TLN2: variants seen among roughly 807,000 people sequenced by gnomAD.
TLN2 encodes the protein talin 2, also known as talin-2.
A neutral mutation model predicts 294.7 loss-of-function variants in TLN2; 118 were observed. The observed-to-expected ratio is 0.40, with a 90% CI of 0.34 to 0.47. The LOEUF (loss-of-function observed/expected upper bound fraction) is 0.47. TLN2 is among the 20% of genes least tolerant of loss of function. The pLI, the probability that TLN2 is intolerant of heterozygous loss-of-function variation, is 0.84. For synonymous variants in TLN2, 1,431 were observed against 1,304.5 expected (o/e 1.10, Z -2.09); for missense variants, 3,083 against 3,282.2 (o/e 0.94, Z 1.48).
chr15:62,408,920 A>G (rs1372571059), intron 1 of TLN2, among the ~76,000 whole-genome samples: 5 of 151,886 alleles, frequency 3.3e-5, no homozygotes, highest in Admixed American at 1.3e-4. Context: ...TCGGCCTCCC[A>G]AAGTGCTGGG....
chr15:62,653,471 A>C (rs1375703735), intron 7 of TLN2, among the ~76,000 whole-genome samples, 157 bp downstream of exon 7: 1 of 152,166 alleles, frequency 6.6e-6, no homozygotes, highest in Non-Finnish European at 1.5e-5. Flanking sequence ...CACTTCTATA[A>C]TCCCAGTATT....
At chr15:62,763,519 TGAGCCCCATG>T in intron 39 of TLN2, 34 bp from the exon 40 acceptor site, 1 of 1,565,732 alleles carries the variant, frequency 6.4e-7, no homozygotes, top group South Asian at 1.2e-5. Context: ...CTGTGGGACT[TGAGCCCCATG>T]GAGCCTGTGT....
At chr15:62,661,479 G>A (rs1437814620) in intron 9 of TLN2, among the ~76,000 whole-genome samples, 1 of 152,156 alleles carries the variant, frequency 6.6e-6, no homozygotes, top group African/African-American at 2.4e-5. Flanking sequence ...GCCAGTAGGG[G>A]TAGGAGGGAA....
At chr15:62,793,975 G>T (rs1017033933) in intron 46 of TLN2, among the ~76,000 whole-genome samples, 21 of 151,816 alleles carry the variant, frequency 1.4e-4, no homozygotes, top group African/African-American at 4.8e-4. Flanking sequence ...CAGCCTCCTG[G>T]GACTCCACAG....
chr15:62,693,083 A>G (rs2058052172), intron 13 of TLN2, 142 bp downstream of exon 13: 2 of 627,104 alleles, frequency 3.2e-6, no homozygotes, highest in Non-Finnish European at 5.4e-6. Context: ...TAATCCCAAC[A>G]CTTCGGGAGG....
intron 2 of TLN2, among the ~76,000 whole-genome samples, chr15:62,601,806 GA>G (rs1389204950): frequency 6.6e-6 from 1 of 152,166 alleles, no homozygotes; most frequent in East Asian, 1.9e-4. Flanking sequence ...GTCCAAAAGA[GA>G]TCACTGAGAC....
intron 1 of TLN2, among the ~76,000 whole-genome samples, chr15:62,539,046 A>T (rs1454701947): frequency 6.6e-6 from 1 of 152,132 alleles, no homozygotes; most frequent in Non-Finnish European, 1.5e-5. Context: ...ATACCCATGG[A>T]GTCTAAATTT....
At chr15:62,708,391 G>C in intron 20 of TLN2, 111 bp from the exon 21 acceptor site, 1 of 1,129,838 alleles carries the variant, frequency 8.9e-7, no homozygotes, top group South Asian at 1.4e-5. Flanking sequence ...GGTCCTGTAA[G>C]TAAGAAACCG....
intron 13 of TLN2, among the ~76,000 whole-genome samples, chr15:62,693,525 C>T (rs910709970): frequency 6.6e-6 from 1 of 152,126 alleles, no homozygotes; most frequent in African/African-American, 2.4e-5. Context: ...GCATCTTCCT[C>T]TCCACGTAGC....
intron 1 of TLN2, among the ~76,000 whole-genome samples, chr15:62,570,236 G>A (rs969064773): frequency 5.9e-5 from 9 of 152,200 alleles, no homozygotes; most frequent in Non-Finnish European, 8.8e-5. Context: ...CCTCACCCAC[G>A]GGGAGGGTGC....
In TLN2 at chr15:62,462,762, C is replaced by G. The variant is rs2036877634; in HGVS notation, c.-238+72077C>G. Among the ~76,000 whole-genome samples, 3 of 152,204 alleles carry G rather than the reference C, an allele frequency of 2.0e-5. No individual in the cohort carries two copies. The South Asian group carries it at 6.2e-4, about 32-fold the overall frequency. On this transcript the variant is annotated intron_variant, in intron 1 of 58. Transcript: ENST00000636159. ...ACCAGAACCAGTGTGGTGTGAGGCTCTGGTGGGAATGAGACCCACATGCAG... is the reference window on the plus strand; with the variant it reads ...ACCAGAACCAGTGTGGTGTGAGGCTGTGGTGGGAATGAGACCCACATGCAG...
At chr15:62,742,072 T>TGTGTGTGG (rs1272145437) in intron 32 of TLN2, among the ~76,000 whole-genome samples, 1 of 142,408 alleles carries the variant, frequency 7.0e-6, no homozygotes, top group African/African-American at 2.7e-5. Flanking sequence ...TGTGTGTGTG[T>TGTGTGTGG]GTGAAGGGTT....
chr15:62,554,526 A>T (rs932703285), intron 1 of TLN2, among the ~76,000 whole-genome samples: 5 of 152,016 alleles, frequency 3.3e-5, no homozygotes, highest in Admixed American at 2.6e-4. Flanking sequence ...GAATTGTAGA[A>T]CTTTGAAATA....
intron 1 of TLN2, among the ~76,000 whole-genome samples, chr15:62,543,189 C>T (rs1031193843): frequency 6.6e-6 from 1 of 152,184 alleles, no homozygotes; most frequent in Non-Finnish European, 1.5e-5. Flanking sequence ...AATAGCTTCT[C>T]TGTTGGTGCC....
intron 11 of TLN2, among the ~76,000 whole-genome samples, chr15:62,676,895 G>T (rs550292401): frequency 6.6e-6 from 1 of 152,182 alleles, no homozygotes; most frequent in Non-Finnish European, 1.5e-5. Flanking sequence ...TATTACAGGC[G>T]TGAGCCACCG....
intron 1 of TLN2, among the ~76,000 whole-genome samples, chr15:62,430,388 C>T (rs1295760271): frequency 2.0e-5 from 3 of 152,222 alleles, no homozygotes; most frequent in African/African-American, 4.8e-5. Context: ...CTGTTATTTT[C>T]TGTCCAAACT....
chr15:62,813,948 G>C (rs1567663635), intron 52 of TLN2, among the ~76,000 whole-genome samples: 1 of 151,978 alleles, frequency 6.6e-6, no homozygotes, highest in Non-Finnish European at 1.5e-5. Context: ...CCAAGTAGCT[G>C]GGATTACAGG....
chr15:62,804,171 G>A (rs1357316660), intron 50 of TLN2, among the ~76,000 whole-genome samples: 1 of 152,198 alleles, frequency 6.6e-6, no homozygotes, highest in African/African-American at 2.4e-5. Flanking sequence ...GGGTGACACA[G>A]GTACCCCTGT....
intron 1 of TLN2, among the ~76,000 whole-genome samples, chr15:62,423,382 C>T (rs1344346361): frequency 6.6e-6 from 1 of 152,008 alleles, no homozygotes; most frequent in East Asian, 1.9e-4. Flanking sequence ...AAAAACAAAA[C>T]AAAACAAAAC....
Sources: gnomAD v4.1 joint callset for allele counts (sites outside exome capture counted in the v4.1 genomes callset) on GRCh38, gnomAD v4.1.1 for gene constraint, MANE v1.5 for transcripts, NCBI Gene and HGNC (gene_info 2026-07-23, HGNC 2026-07-21) for gene names.